COG5: variants seen among roughly 807,000 people sequenced by gnomAD.
The protein encoded by COG5 is conserved oligomeric Golgi complex subunit 5.
A neutral mutation model predicts 110.4 loss-of-function variants in COG5; 86 were observed. The ratio of observed to expected loss-of-function variants is 0.78; its 90% CI spans 0.65 to 0.93. COG5 has a LOEUF of 0.93. Ranked by LOEUF, COG5 falls within the 40% of genes least tolerant of loss-of-function variation. COG5 has a pLI of 0.00. For synonymous variants in COG5, 360 were observed against 334.6 expected (o/e 1.08, Z -0.83); for missense variants, 1,077 against 987.0 (o/e 1.09, Z -1.22).
chr7:107,527,418 T>C (rs931359391), intron 5 of COG5, 61 bp from the exon 6 acceptor site: 5 of 1,579,690 alleles, frequency 3.2e-6, no homozygotes, highest in Non-Finnish European at 4.3e-6. Flanking sequence ...TATTAATAAA[T>C]AGTAATAACA....
At chr7:107,375,012 A>T (rs765569925) in intron 7 of COG5, among the ~76,000 whole-genome samples, 12 of 152,020 alleles carry the variant, frequency 7.9e-5, no homozygotes, top group Non-Finnish European at 1.5e-4. Context: ...AGCACCTTTG[A>T]ATCTTGTGTA....
intron 15 of COG5, 40 bp from the exon 16 acceptor site, chr7:107,256,834 T>G: frequency 7.0e-7 from 1 of 1,428,404 alleles, no homozygotes; most frequent in African/African-American, 1.4e-5. Flanking sequence ...TTCGCTTAAG[T>G]CTATTTCTGT....
intron 11 of COG5, among the ~76,000 whole-genome samples, chr7:107,316,841 A>G (rs187957209): frequency 1.3e-5 from 2 of 151,994 alleles, no homozygotes; most frequent in African/African-American, 2.4e-5. Flanking sequence ...AGGAAAAAAA[A>G]AGAAAGAAAA....
At chr7:107,444,145 A>G (rs919710867) in intron 6 of COG5, among the ~76,000 whole-genome samples, 1 of 152,200 alleles carries the variant, frequency 6.6e-6, no homozygotes, top group Non-Finnish European at 1.5e-5. Flanking sequence ...AACGGGGATG[A>G]TGAATTAACT....
In COG5 at chr7:107,298,171, A is replaced by G. The variant is rs1291287456; in HGVS notation, c.1284T>C (p.Asp428=). 1 of 1,611,126 alleles carries G rather than the reference A, an allele frequency of 6.2e-7. No individual in the cohort carries two copies. The highest frequency in any genetic ancestry group is 1.3e-5 in the African/African-American group (1 of 75,022). ...DLQHMEDDAQ[D]IFIPKKPDYD... The stretch of plus-strand genomic sequence containing the variant: ...AATCTGGCTTTTTTGGTATGAATAT[A>G]TCTTGTGCATCATCTTCCATGTGTT... The change falls in exon 12 of 22, where the codon GAT becomes GAC. Residue 428 remains aspartate, a synonymous_variant. Transcript: ENST00000297135.
intron 6 of COG5, among the ~76,000 whole-genome samples, chr7:107,506,805 A>G (rs1799047921): frequency 6.6e-6 from 1 of 152,236 alleles, no homozygotes; most frequent in Non-Finnish European, 1.5e-5. Flanking sequence ...TTGTGGCTAC[A>G]GGACACTTGC....
rs1001901707 is a variant in COG5 at position 107,255,245 on chromosome 7, A to G, written c.1749+1487T>C. On this transcript the variant is annotated intron_variant, in intron 16 of 21. Transcript: ENST00000297135. ...TTGACCTGATTTTATGATCATTGAT[A>G]CATATGCCAACCTTACTAAAAACAA... 2.6e-5 allele frequency among the ~76,000 whole-genome samples: 4 copies of G among 152,194 alleles called. No individual in the cohort carries two copies. In the South Asian group the frequency reaches 8.3e-4, roughly 31 times the overall value.
intron 11 of COG5, among the ~76,000 whole-genome samples, chr7:107,312,540 T>C (rs1420419553): frequency 6.6e-6 from 1 of 152,128 alleles, no homozygotes; most frequent in Non-Finnish European, 1.5e-5. Context: ...ACTCTGAGAC[T>C]GAAAAGACAA....
At chr7:107,544,713 A>T (rs1293216107) in intron 5 of COG5, among the ~76,000 whole-genome samples, 2 of 152,226 alleles carry the variant, frequency 1.3e-5, no homozygotes, top group Non-Finnish European at 2.9e-5. Flanking sequence ...TACTTCTTCA[A>T]ATGTGCAGGC....
chr7:107,326,366 T>C (rs910239466), intron 10 of COG5, among the ~76,000 whole-genome samples: 5 of 152,160 alleles, frequency 3.3e-5, no homozygotes, highest in Admixed American at 6.5e-5. Flanking sequence ...AGTAAAATTA[T>C]ATCTGTTTCT....
At chr7:107,414,917 G>A (rs1218622687) in intron 6 of COG5, among the ~76,000 whole-genome samples, 2 of 151,342 alleles carry the variant, frequency 1.3e-5, no homozygotes, top group South Asian at 4.2e-4. Context: ...TAGTAGAGAC[G>A]GGGTTTCACC....
At chr7:107,321,661 T>A (rs1417998931) in intron 11 of COG5, among the ~76,000 whole-genome samples, 1 of 152,072 alleles carries the variant, frequency 6.6e-6, no homozygotes, top group Non-Finnish European at 1.5e-5. Flanking sequence ...TTCCAAGAAG[T>A]CAATAGGCAG....
intron 6 of COG5, among the ~76,000 whole-genome samples, chr7:107,507,007 G>A (rs1466384559): frequency 6.6e-6 from 1 of 152,222 alleles, no homozygotes; most frequent in African/African-American, 2.4e-5. Context: ...ACGCAAGGCT[G>A]CTCCCACTGC....
chr7:107,327,427 G>A (rs546488820), intron 10 of COG5, among the ~76,000 whole-genome samples: 3 of 152,130 alleles, frequency 2.0e-5, no homozygotes, highest in East Asian at 1.9e-4. Context: ...GGCAACAAAA[G>A]CAGAAATAGA....
At chr7:107,449,384 A>C (rs1003675610) in intron 6 of COG5, among the ~76,000 whole-genome samples, 2 of 152,208 alleles carry the variant, frequency 1.3e-5, no homozygotes, top group South Asian at 2.1e-4. Context: ...TGTAGTTCAT[A>C]CTGTACTACT....
intron 6 of COG5, among the ~76,000 whole-genome samples, chr7:107,428,961 T>C (rs1458838162): frequency 2.0e-5 from 3 of 152,194 alleles, no homozygotes; most frequent in Admixed American, 6.5e-5. Flanking sequence ...ACAAAAACTA[T>C]ATTGGCTTGA....
intron 17 of COG5, among the ~76,000 whole-genome samples, chr7:107,241,244 A>AT (rs1239187681): frequency 6.6e-6 from 1 of 152,144 alleles, no homozygotes; most frequent in Non-Finnish European, 1.5e-5. Flanking sequence ...GGCATTCATG[A>AT]TTGATCTAAC....
chr7:107,209,999 G>C (rs1302114948), intron 21 of COG5: 1 of 994,700 alleles, frequency 1.0e-6, no homozygotes, highest in East Asian at 1.0e-4. Flanking sequence ...GGGTACATGG[G>C]GGTGTGTGCA....
At chr7:107,232,320 AT>A (rs1445110771) in intron 18 of COG5, among the ~76,000 whole-genome samples, 1 of 152,218 alleles carries the variant, frequency 6.6e-6, no homozygotes, top group African/African-American at 2.4e-5. Flanking sequence ...TTTTCTTTCC[AT>A]ATGTGTCACT....
Sources: gnomAD v4.1 joint callset for allele counts (sites outside exome capture counted in the v4.1 genomes callset) on GRCh38, gnomAD v4.1.1 for gene constraint, MANE v1.5 for transcripts, NCBI Gene and HGNC (gene_info 2026-07-23, HGNC 2026-07-21) for gene names.